DPP10: variants seen among roughly 807,000 people sequenced by gnomAD.
DPP10 encodes inactive dipeptidyl peptidase 10.
Under a neutral mutation model 120.9 loss-of-function variants are expected in DPP10, and 33 were observed. The observed-to-expected ratio is 0.27, with a 90% CI of 0.21 to 0.37. The LOEUF is 0.37. DPP10 is among the 10% of genes least tolerant of loss of function. The pLI is 1.00. For synonymous variants in DPP10, 337 were observed against 326.1 expected, an observed-to-expected ratio of 1.03 and a Z score of -0.36; for missense variants, 816 against 942.8, an observed-to-expected ratio of 0.87 and a Z score of 1.76.
At chr2:114,731,846 A>T (rs1406445163) in intron 1 of DPP10, among the ~76,000 whole-genome samples, 1 of 152,178 alleles carries the variant, frequency 6.6e-6, no homozygotes, top group Admixed American at 6.5e-5. Context: ...GAGCAAGCAG[A>T]CAAGGGTCAC....
At chr2:115,611,739 G>A (rs2084115421) in intron 5 of DPP10, among the ~76,000 whole-genome samples, 1 of 152,088 alleles carries the variant, frequency 6.6e-6, no homozygotes, top group Admixed American at 6.6e-5. Flanking sequence ...CACTAGTCTT[G>A]GAGTCAGAAG....
At chr2:115,655,297 G>GA (rs946818003) in intron 5 of DPP10, among the ~76,000 whole-genome samples, 5 of 151,384 alleles carry the variant, frequency 3.3e-5, no homozygotes, top group African/African-American at 2.4e-5. Context: ...AAAGTTTGGG[G>GA]AAAAAAAATC....
In DPP10 at chr2:115,515,875, A is replaced by G. The variant is rs549222574; in HGVS notation, c.367-10023A>G. Among the ~76,000 whole-genome samples the G allele has an allele frequency of 1.1e-4, 16 of 152,234 alleles. No homozygotes were observed. The East Asian group carries it at 2.9e-3, about 28-fold the overall frequency. Reference sequence around the variant, plus strand: ...AATTTTCCTTCAGTTTTTAAAATGAAATAAAATGAATAATGAAAAAATAAA... The same window carrying G: ...AATTTTCCTTCAGTTTTTAAAATGAGATAAAATGAATAATGAAAAAATAAA... On this transcript the variant is annotated intron_variant, in intron 4 of 25. Coordinates refer to ENST00000410059, the MANE Select transcript of DPP10 (RefSeq NM_020868.6).
intron 5 of DPP10, among the ~76,000 whole-genome samples, chr2:115,564,693 A>G (rs2080891483): frequency 6.6e-6 from 1 of 152,238 alleles, no homozygotes; most frequent in Admixed American, 6.5e-5. Context: ...GTTTTACTCA[A>G]AAGAGAAAGT....
chr2:114,555,046 G>C (rs1688179537), intron 1 of DPP10, among the ~76,000 whole-genome samples: 1 of 152,190 alleles, frequency 6.6e-6, no homozygotes, highest in African/African-American at 2.4e-5. Context: ...AAATGCCAAA[G>C]TCAATTTAAG....
chr2:115,587,130 C>G (rs2149154464), intron 5 of DPP10, among the ~76,000 whole-genome samples: 1 of 125,056 alleles, frequency 8.0e-6, no homozygotes, highest in Admixed American at 9.0e-5. Context: ...CGGATTCTCA[C>G]TAAGTCGCTC....
At chr2:114,590,071 G>GA (rs919317515) in intron 1 of DPP10, among the ~76,000 whole-genome samples, 3 of 151,574 alleles carry the variant, frequency 2.0e-5, no homozygotes, top group Non-Finnish European at 4.4e-5. Context: ...AGTTTTCTAA[G>GA]AAAAAAATGT....
chr2:115,293,008 T>C (rs530135254), intron 1 of DPP10, among the ~76,000 whole-genome samples: 63 of 152,198 alleles, frequency 4.1e-4, no homozygotes, highest in Admixed American at 1.2e-3. Flanking sequence ...GTATGAGCCC[T>C]GGCACTCAGG....
chr2:115,781,510 G>C (rs1158005506), intron 16 of DPP10, among the ~76,000 whole-genome samples: 1 of 151,780 alleles, frequency 6.6e-6, no homozygotes, highest in Non-Finnish European at 1.5e-5. Flanking sequence ...TGTTTATACA[G>C]TATCTCTACA....
intron 21 of DPP10, among the ~76,000 whole-genome samples, chr2:115,827,029 C>T (rs1381642715): frequency 1.3e-5 from 2 of 152,002 alleles, no homozygotes; most frequent in African/African-American, 2.4e-5. Flanking sequence ...TCTTGCCATA[C>T]ACTTTCCATT....
intron 1 of DPP10, among the ~76,000 whole-genome samples, chr2:114,960,880 C>T (rs879396151): frequency 8.6e-5 from 13 of 151,632 alleles, no homozygotes; most frequent in South Asian, 6.2e-4. Context: ...GTTTTGGTGG[C>T]TATATAGCTT....
At chr2:115,648,676 A>G (rs1173882729) in intron 5 of DPP10, among the ~76,000 whole-genome samples, 1 of 152,034 alleles carries the variant, frequency 6.6e-6, no homozygotes, top group African/African-American at 2.4e-5. Context: ...ATTTAATAAA[A>G]CTTAGCCTAG....
At chr2:114,882,335 A>C (rs978958554) in intron 1 of DPP10, among the ~76,000 whole-genome samples, 1 of 152,196 alleles carries the variant, frequency 6.6e-6, no homozygotes, top group Non-Finnish European at 1.5e-5. Flanking sequence ...CATAAAACAG[A>C]ATGAAATAAT....
At chr2:114,601,750 T>C (rs1321649469) in intron 1 of DPP10, among the ~76,000 whole-genome samples, 1 of 151,962 alleles carries the variant, frequency 6.6e-6, no homozygotes, top group African/African-American at 2.4e-5. Flanking sequence ...AGCTGCAGTT[T>C]TATTTGGAAA....
intron 9 of DPP10, 86 bp downstream of exon 9, chr2:115,739,979 T>G: frequency 6.8e-7 from 1 of 1,467,448 alleles, no homozygotes; most frequent in Non-Finnish European, 9.4e-7. Context: ...CTTGAACAAG[T>G]TGTCTTTGGA....
At chr2:114,506,900 C>T (rs574924901) in intron 1 of DPP10, among the ~76,000 whole-genome samples, 6 of 152,254 alleles carry the variant, frequency 3.9e-5, no homozygotes, top group South Asian at 4.1e-4. Flanking sequence ...CCTTCAAGCA[C>T]GGTGACATAC....
At chr2:115,715,339 C>CAAAAAAAAAAAAAAAAAAAA (rs546857779) in intron 7 of DPP10, among the ~76,000 whole-genome samples, 1 of 67,662 alleles carries the variant, frequency 1.5e-5, no homozygotes, top group African/African-American at 7.0e-5. Flanking sequence ...AACTCCGTCT[C>CAAAAAAAAAAAAAAAAAAAA]AAAAAAAAAA....
chr2:115,636,685 G>A (rs948888197), intron 5 of DPP10, among the ~76,000 whole-genome samples: 1 of 152,120 alleles, frequency 6.6e-6, no homozygotes, highest in Non-Finnish European at 1.5e-5. Flanking sequence ...GTGATTCTAA[G>A]TGAGGATTAT....
chr2:115,389,641 CCCGTT>C, intron 3 of DPP10, among the ~76,000 whole-genome samples: 1 of 152,128 alleles, frequency 6.6e-6, no homozygotes, highest in East Asian at 1.9e-4. Flanking sequence ...TGAGAAGAGT[CCCGTT>C]AGAGTAATGC....
Sources: gnomAD v4.1 joint callset for allele counts (sites outside exome capture counted in the v4.1 genomes callset) on GRCh38, gnomAD v4.1.1 for gene constraint, MANE v1.5 for transcripts, NCBI Gene and HGNC (gene_info 2026-07-23, HGNC 2026-07-21) for gene names.